ZDHHC14: variants seen among roughly 807,000 people sequenced by gnomAD.
The protein encoded by ZDHHC14 is zDHHC palmitoyltransferase 14.
In ZDHHC14, 16 loss-of-function variants were observed where a neutral mutation model predicts 47.7. The ratio of observed to expected loss-of-function variants is 0.34; its 90% CI spans 0.23 to 0.51. The LOEUF (loss-of-function observed/expected upper bound fraction) is 0.51. Ranked by LOEUF, ZDHHC14 falls within the 20% of genes least tolerant of loss-of-function variation. The pLI, the probability that ZDHHC14 is intolerant of heterozygous loss-of-function variation, is 0.97. For synonymous variants in ZDHHC14, 293 were observed against 278.9 expected (o/e 1.05, Z -0.50); for missense variants, 515 against 662.5 (o/e 0.78, Z 2.44).
chr6:157,443,875 G>GTTCTGC (rs1364945735), intron 1 of ZDHHC14, among the ~76,000 whole-genome samples: 5 of 152,172 alleles, frequency 3.3e-5, no homozygotes, highest in African/African-American at 1.2e-4. Flanking sequence ...GCCTTCTAGG[G>GTTCTGC]TTCTGCTTCA....
chr6:157,468,851 G>C (rs939791190), intron 1 of ZDHHC14, among the ~76,000 whole-genome samples: 1 of 152,200 alleles, frequency 6.6e-6, no homozygotes, highest in Non-Finnish European at 1.5e-5. Context: ...CTCATTTAAT[G>C]GGTGAAAAAT....
intron 8 of ZDHHC14, among the ~76,000 whole-genome samples, chr6:157,655,649 G>A (rs995846833): frequency 6.6e-6 from 1 of 152,208 alleles, no homozygotes; most frequent in Non-Finnish European, 1.5e-5. Context: ...TGTGTGTTGA[G>A]GACTAGACTA....
chr6:157,647,725 A>T (rs1035943529), intron 7 of ZDHHC14, among the ~76,000 whole-genome samples: 4 of 152,222 alleles, frequency 2.6e-5, no homozygotes, highest in African/African-American at 9.6e-5. Flanking sequence ...TGCAGGAAGG[A>T]AGCAGCCAGA....
intron 1 of ZDHHC14, among the ~76,000 whole-genome samples, chr6:157,482,226 T>C (rs1365386659): frequency 1.3e-5 from 2 of 151,838 alleles, no homozygotes; most frequent in Non-Finnish European, 2.9e-5. Context: ...TGTAGTAAAG[T>C]GAGGACACCT....
At chr6:157,466,388 T>G (rs1779217407) in intron 1 of ZDHHC14, among the ~76,000 whole-genome samples, 2 of 152,206 alleles carry the variant, frequency 1.3e-5, no homozygotes, top group Non-Finnish European at 2.9e-5. Context: ...CTGGCCATTG[T>G]GGATTCCCAG....
chr6:157,516,711 C>A (rs181626232), intron 1 of ZDHHC14, among the ~76,000 whole-genome samples: 16 of 152,316 alleles, frequency 1.1e-4, no homozygotes, highest in Non-Finnish European at 2.1e-4. Flanking sequence ...AAGGTCAAGT[C>A]TGCGCTGCAA....
intron 2 of ZDHHC14, among the ~76,000 whole-genome samples, chr6:157,543,985 C>G (rs1781867211): frequency 6.6e-6 from 1 of 152,166 alleles, no homozygotes; most frequent in South Asian, 2.1e-4. Flanking sequence ...TCTAAGCCAC[C>G]TAGTAAGGAA....
At chr6:157,518,159 AC>A (rs755159213) in intron 1 of ZDHHC14, among the ~76,000 whole-genome samples, 9 of 152,202 alleles carry the variant, frequency 5.9e-5, no homozygotes, top group Middle Eastern at 6.8e-3. Context: ...AACAAAGACC[AC>A]CCACCTGCAG....
chr6:157,535,701 G>T (rs1368173740), intron 1 of ZDHHC14, among the ~76,000 whole-genome samples: 1 of 152,180 alleles, frequency 6.6e-6, no homozygotes, highest in Non-Finnish European at 1.5e-5. Context: ...CCAGGCACGG[G>T]GTCCTGCCAT....
intron 3 of ZDHHC14, among the ~76,000 whole-genome samples, chr6:157,623,100 T>C (rs1488090369): frequency 6.6e-6 from 1 of 152,130 alleles, no homozygotes; most frequent in Non-Finnish European, 1.5e-5. Context: ...ATTCCAGCCA[T>C]CCCCCACCCT....
chr6:157,534,124 A>T (rs1172367626), intron 1 of ZDHHC14, among the ~76,000 whole-genome samples: 1 of 152,146 alleles, frequency 6.6e-6, no homozygotes, highest in Non-Finnish European at 1.5e-5. Context: ...TTCAAATATA[A>T]GCCAGGGTCA....
chr6:157,428,059 C>T (rs1002025470), intron 1 of ZDHHC14, among the ~76,000 whole-genome samples: 3 of 152,120 alleles, frequency 2.0e-5, no homozygotes, highest in Admixed American at 6.5e-5. Context: ...GTTCTGCTGT[C>T]GATATGTGCT....
chr6:157,403,645 C>T (rs1777688523), intron 1 of ZDHHC14, among the ~76,000 whole-genome samples: 1 of 152,238 alleles, frequency 6.6e-6, no homozygotes, highest in Admixed American at 6.5e-5. Flanking sequence ...AAACAACCAA[C>T]CTACAAATTA....
chr6:157,671,694 T>C lies in ZDHHC14; in HGVS notation c.1069-1030T>C, dbSNP rs1466113021. On this transcript the variant is annotated intron_variant, in intron 8 of 8. Transcript: ENST00000359775. Reference sequence around the variant, plus strand: ...GGACACGAGGCAGATATCATGTGACTTAAGAACGCGTGGAAGAATAGGAAA... The same window carrying C: ...GGACACGAGGCAGATATCATGTGACCTAAGAACGCGTGGAAGAATAGGAAA... Among the ~76,000 whole-genome samples the C allele has an allele frequency of 5.3e-5, 8 of 152,274 alleles. No individual in the cohort carries two copies. The East Asian group carries it at 1.5e-3, about 29-fold the overall frequency.
At chr6:157,507,345 G>A (rs1780351769) in intron 1 of ZDHHC14, among the ~76,000 whole-genome samples, 1 of 149,592 alleles carries the variant, frequency 6.7e-6, no homozygotes, top group South Asian at 2.1e-4. Flanking sequence ...GTGCAGTGGT[G>A]TGATCTTGGC....
intron 1 of ZDHHC14, among the ~76,000 whole-genome samples, chr6:157,509,988 T>A (rs1389482879): frequency 6.6e-6 from 1 of 152,236 alleles, no homozygotes; most frequent in African/African-American, 2.4e-5. Context: ...CTCACGCCTG[T>A]AATCCCAGCA....
At chr6:157,516,062 C>T (rs1217724419) in intron 1 of ZDHHC14, among the ~76,000 whole-genome samples, 3 of 152,208 alleles carry the variant, frequency 2.0e-5, no homozygotes, top group Non-Finnish European at 4.4e-5. Context: ...CGCTACCCTG[C>T]CCTCTAGCAT....
rs144907529 is a variant in ZDHHC14 at position 157,419,695 on chromosome 6, T to C, written c.245+37429T>C. Among the ~76,000 whole-genome samples the C allele has an allele frequency of 3.7e-4, 57 of 152,374 alleles. No homozygotes were observed. In the East Asian group the frequency reaches 9.6e-3, roughly 26 times the overall value. ...CATTGTATGGATATACCACCATTTG[T>C]TTTTCTATACCTAACGAAGGACATC... On this transcript the variant is annotated intron_variant, in intron 1 of 8. Transcript: ENST00000359775.
chr6:157,628,327 T>A, intron 3 of ZDHHC14, 22 bp from the exon 4 acceptor site: 1 of 1,577,386 alleles, frequency 6.3e-7, no homozygotes, highest in South Asian at 1.2e-5. Flanking sequence ...CACTTTTTTT[T>A]TTTTTCTGCC....
Sources: allele counts gnomAD v4.1 joint callset (sites outside exome capture counted in the v4.1 genomes callset), GRCh38; gene constraint gnomAD v4.1.1; transcripts MANE v1.5; gene names NCBI Gene and HGNC (gene_info 2026-07-23, HGNC 2026-07-21).